Variants in ADCY2 observed in about 807,000 individuals in gnomAD.
The protein encoded by ADCY2 is adenylate cyclase type 2.
ADCY2 carries 31 observed loss-of-function variants against 125.2 expected under a neutral mutation model. The observed-to-expected ratio is 0.25, with a 90% CI of 0.19 to 0.33. The LOEUF is 0.33. Ranked by LOEUF, ADCY2 falls within the 10% of genes least tolerant of loss-of-function variation. The pLI is 1.00. For missense variants in ADCY2, 904 were observed against 1,418.2 expected (o/e 0.64, Z 5.82); for synonymous variants, 512 against 548.4 (o/e 0.93, Z 0.93).
chr5:7,712,694 A>G (rs1028518559), intron 10 of ADCY2, among the ~76,000 whole-genome samples, 162 bp from the exon 11 acceptor site: 2 of 152,200 alleles, frequency 1.3e-5, no homozygotes, highest in Non-Finnish European at 2.9e-5. Flanking sequence ...AACTTGATTC[A>G]CACTTAGGAT....
At chr5:7,412,150 T>A (rs1392298863) in intron 1 of ADCY2, among the ~76,000 whole-genome samples, 2 of 152,164 alleles carry the variant, frequency 1.3e-5, no homozygotes, top group Non-Finnish European at 2.9e-5. Context: ...AAGGACTATA[T>A]CAGCATCTTC....
intron 3 of ADCY2, among the ~76,000 whole-genome samples, chr5:7,584,611 T>A (rs886812738): frequency 1.6e-4 from 24 of 152,272 alleles, no homozygotes; most frequent in African/African-American, 5.3e-4. Flanking sequence ...ACAACCGAAG[T>A]CTTTATGTAA....
intron 4 of ADCY2, among the ~76,000 whole-genome samples, chr5:7,679,851 G>T (rs1740271076): frequency 6.6e-6 from 1 of 152,194 alleles, no homozygotes. Flanking sequence ...TTCCTCTGTT[G>T]TAAGATGATC....
chr5:7,496,086 A>C (rs1183268346), intron 2 of ADCY2, among the ~76,000 whole-genome samples: 1 of 152,198 alleles, frequency 6.6e-6, no homozygotes, highest in Non-Finnish European at 1.5e-5. Flanking sequence ...TGGAACTATC[A>C]GGGGTTGTCT....
rs570072180 is a variant in ADCY2, at chr5:7,406,845, C to T, written c.211-7728C>T. Among the ~76,000 whole-genome samples the T allele has an allele frequency of 3.9e-5, 6 of 152,316 alleles. No individual in the cohort carries two copies. The East Asian group carries it at 1.2e-3, about 29-fold the overall frequency. ...CAATAGTCACAGCCAGAGTTCTTTT[C>T]AAGACATGCTTCTTGAAAGGTTTGC... On this transcript the variant is annotated intron_variant, in intron 1 of 24. Coordinates refer to ENST00000338316, the MANE Select transcript of ADCY2 (RefSeq NM_020546.3).
At chr5:7,694,544 C>T (rs895912944) in intron 5 of ADCY2, among the ~76,000 whole-genome samples, 1 of 152,190 alleles carries the variant, frequency 6.6e-6, no homozygotes, top group Non-Finnish European at 1.5e-5. Flanking sequence ...AGTATTTGCT[C>T]TTTGTACCTG....
rs141936941 is a variant in ADCY2, at chr5:7,624,831, A to G, written c.571-1336A>G. On this transcript the variant is annotated intron_variant, in intron 3 of 24. Coordinates refer to ENST00000338316, the MANE Select transcript of ADCY2 (RefSeq NM_020546.3). ...GAACTGATGCCACTGACTTGTTATT[A>G]AAGCCACTAGTGACCTGTCTTGGTG... is the stretch of plus-strand genomic sequence containing the variant. Among the ~76,000 whole-genome samples, 1,133 of 152,254 alleles carry G rather than the reference A, an allele frequency of 7.4e-3. 13 individuals are homozygous for G. Among genetic ancestry groups the G allele is most frequent in the African/African-American group, 0.026 (1,067 of 41,544 alleles).
chr5:7,709,172 G>C lies in ADCY2; in HGVS notation c.1402-39G>C. On this transcript the variant is annotated intron_variant, in intron 9 of 24. Coordinates refer to ENST00000338316, the MANE Select transcript of ADCY2 (RefSeq NM_020546.3). The surrounding 1 kb of genome is among the most constrained non-coding windows in gnomAD (Gnocchi z 4.4). ...TGCCAAAAGGATCATGTGTGGCCCT[G>C]TGCTGTGCCAGGTGTGATGCTTTGT... 1 of 1,558,996 alleles carries C rather than the reference G, an allele frequency of 6.4e-7. No individual in the cohort carries two copies. The highest frequency in any genetic ancestry group is 1.2e-5 in the South Asian group (1 of 81,634).
intron 2 of ADCY2, among the ~76,000 whole-genome samples, chr5:7,441,118 A>G (rs1056607321): frequency 1.3e-5 from 2 of 152,066 alleles, no homozygotes; most frequent in Admixed American, 6.5e-5. Context: ...GGAATTTTGA[A>G]TGCCTGAAAA....
At chr5:7,751,648 T>C (rs187573995) in intron 15 of ADCY2, among the ~76,000 whole-genome samples, 46 of 152,318 alleles carry the variant, frequency 3.0e-4, no homozygotes, top group South Asian at 4.1e-4. Context: ...CCTGAGCTAG[T>C]GAATGGGGCT....
At chr5:7,468,270 T>C (rs1742201050) in intron 2 of ADCY2, among the ~76,000 whole-genome samples, 1 of 152,152 alleles carries the variant, frequency 6.6e-6, no homozygotes, top group Non-Finnish European at 1.5e-5. Context: ...AGACAGGGCA[T>C]GAGAGACTTA....
intron 2 of ADCY2, among the ~76,000 whole-genome samples, chr5:7,438,331 C>T (rs901477948): frequency 1.3e-5 from 2 of 152,238 alleles, no homozygotes; most frequent in African/African-American, 4.8e-5. Flanking sequence ...AATGAAACCT[C>T]TTGCCCTCAT....
intron 14 of ADCY2, among the ~76,000 whole-genome samples, chr5:7,728,824 G>A (rs1742011596): frequency 1.3e-5 from 2 of 152,142 alleles, no homozygotes; most frequent in African/African-American, 4.8e-5. Flanking sequence ...GGAGGTGCTG[G>A]GGATGGGGAG....
intron 23 of ADCY2, among the ~76,000 whole-genome samples, chr5:7,818,925 A>T (rs1480184195): frequency 6.6e-6 from 1 of 151,970 alleles, no homozygotes; most frequent in East Asian, 1.9e-4. Context: ...TATATAAAGG[A>T]AAGTTTATTA....
intron 2 of ADCY2, among the ~76,000 whole-genome samples, chr5:7,513,961 A>G (rs1415469000): frequency 2.6e-5 from 4 of 152,154 alleles, no homozygotes; most frequent in Admixed American, 1.3e-4. Context: ...TATTTCTCTG[A>G]TGGTGTGTTC....
At chr5:7,627,101 A>C (rs2126659032) in intron 4 of ADCY2, among the ~76,000 whole-genome samples, 1 of 152,126 alleles carries the variant, frequency 6.6e-6, no homozygotes, top group South Asian at 2.1e-4. Context: ...TCGCCCCCTC[A>C]CCGTGCTGTG....
At chr5:7,714,113 A>AAGCCAC (rs1477856884) in intron 11 of ADCY2, among the ~76,000 whole-genome samples, 4 of 152,176 alleles carry the variant, frequency 2.6e-5, no homozygotes, top group Non-Finnish European at 5.9e-5. Flanking sequence ...CTTTTGAAGC[A>AAGCCAC]TTATAATTAA....
chr5:7,490,654 T>C (rs978908286), intron 2 of ADCY2, among the ~76,000 whole-genome samples: 15 of 151,824 alleles, frequency 9.9e-5, no homozygotes, highest in Non-Finnish European at 2.1e-4. Context: ...CACACACACA[T>C]GCATGCATGC....
At chr5:7,524,742 C>T (rs574804106) in intron 3 of ADCY2, among the ~76,000 whole-genome samples, 23 of 152,266 alleles carry the variant, frequency 1.5e-4, no homozygotes, top group African/African-American at 5.3e-4. Flanking sequence ...TGCATCCTCC[C>T]GGAGCGCAAT....
Sources: gnomAD v4.1 joint callset for allele counts (sites outside exome capture counted in the v4.1 genomes callset) on GRCh38, gnomAD v4.1.1 for gene constraint, Gnocchi (gnomAD v3.1) non-coding constraint, MANE v1.5 for transcripts, NCBI Gene and HGNC (gene_info 2026-07-23, HGNC 2026-07-21) for gene names.